Variants in PTBP3 observed in about 807,000 individuals in gnomAD.
The protein encoded by PTBP3 is polypyrimidine tract-binding protein 3.
In PTBP3, 20 loss-of-function variants were observed where a neutral mutation model predicts 58.7. That is an observed-to-expected ratio of 0.34 (90% CI 0.24 to 0.50). PTBP3 has a LOEUF of 0.50. PTBP3 is among the 20% of genes least tolerant of loss of function. The pLI is 0.98. For missense variants in PTBP3, 509 were observed against 637.2 expected, an observed-to-expected ratio of 0.80 and a Z score of 2.17; for synonymous variants, 185 against 219.8, an observed-to-expected ratio of 0.84 and a Z score of 1.40.
In PTBP3 at chr9:112,244,289, C is replaced by CAAAAAAAAAAAA. The variant is rs56052359; in HGVS notation, c.802+6628_802+6639dup. On this transcript the variant is annotated intron_variant, in intron 7 of 13. Transcript: ENST00000374257. ...TGGGCAACAGAGTGAGACTCTGTCT[C>CAAAAAAAAAAAA]AAAAAAAAAAAAAAAAAAGTTCTCA... 2.7e-3 allele frequency among the ~76,000 whole-genome samples: 97 copies of CAAAAAAAAAAAA among 36,294 alleles called. 21 individuals carry two copies. The highest frequency in any genetic ancestry group is 5.6e-3 in the South Asian group (3 of 540). 23.8% of individuals were successfully genotyped at this position (36,294 alleles called of 152,430 possible). A position where few individuals can be genotyped will look rare whatever the true frequency, so the allele number is the denominator to read the frequency against.
chr9:112,312,045 CTG>C (rs1829503475), intron 1 of PTBP3, among the ~76,000 whole-genome samples: 1 of 152,152 alleles, frequency 6.6e-6, no homozygotes, highest in Non-Finnish European at 1.5e-5. Flanking sequence ...ATTTTGTTAA[CTG>C]TATCACAGTA....
chr9:112,300,528 G>A (rs184686897), intron 1 of PTBP3, among the ~76,000 whole-genome samples: 15 of 152,282 alleles, frequency 9.9e-5, no homozygotes, highest in South Asian at 4.1e-4. Flanking sequence ...CTTGGCGGGC[G>A]GATCACAAGG....
intron 8 of PTBP3, among the ~76,000 whole-genome samples, chr9:112,233,260 G>T (rs1835311945): frequency 6.7e-6 from 1 of 148,590 alleles, no homozygotes. Context: ...GCACAGTTGA[G>T]CTACACTGTA....
intron 7 of PTBP3, among the ~76,000 whole-genome samples, chr9:112,244,628 T>C (rs2132044143): frequency 6.6e-6 from 1 of 152,036 alleles, no homozygotes; most frequent in African/African-American, 2.4e-5. Context: ...CAGTGAACCA[T>C]GAGTGCACCA....
Position 112,222,725 on chromosome 9 carries a change from C to T in PTBP3, c.*1126G>A. On this transcript the variant is annotated 3_prime_UTR_variant, in exon 14 of 14. Coordinates refer to ENST00000374257, the MANE Select transcript of PTBP3 (RefSeq NM_001163788.4). Reference sequence around the variant, plus strand: ...AGAGAAAGAAAAAACAAAATGCTTACCAAGCCCACAATATAGCTTTCAAGA... The same window carrying T: ...AGAGAAAGAAAAAACAAAATGCTTATCAAGCCCACAATATAGCTTTCAAGA... The T allele has an allele frequency of 1.0e-6, 1 of 977,156 alleles. No individual in the cohort carries two copies. The highest frequency in any genetic ancestry group is 1.2e-6 in the Non-Finnish European group (1 of 822,086). 60.5% of individuals were successfully genotyped at this position (977,156 alleles called of 1,614,324 possible).
At chr9:112,306,321 T>A (rs1157619981) in intron 1 of PTBP3, among the ~76,000 whole-genome samples, 1 of 151,866 alleles carries the variant, frequency 6.6e-6, no homozygotes, top group African/African-American at 2.4e-5. Flanking sequence ...CACACCACCA[T>A]GCCCAGCTAA....
the PTBP3 span, among the ~76,000 whole-genome samples, chr9:112,374,670 T>G: frequency 6.6e-6 from 1 of 152,240 alleles, no homozygotes; most frequent in East Asian, 1.9e-4. Context: ...ACTGCCACAC[T>G]TCTTTAGCCA....
At chr9:112,310,079 T>C (rs932187019) in intron 1 of PTBP3, among the ~76,000 whole-genome samples, 5 of 152,222 alleles carry the variant, frequency 3.3e-5, no homozygotes, top group Admixed American at 3.3e-4. Context: ...AGTGTGATTA[T>C]CCCTAAATAT....
At chr9:112,290,554 C>T (rs1828348123) in intron 2 of PTBP3, among the ~76,000 whole-genome samples, 1 of 151,610 alleles carries the variant, frequency 6.6e-6, no homozygotes, top group Admixed American at 6.6e-5. Context: ...TGCCTGTAAT[C>T]CCAGCTACTC....
intron 1 of PTBP3, among the ~76,000 whole-genome samples, chr9:112,319,558 C>G (rs574416257): frequency 5.3e-5 from 8 of 152,112 alleles, no homozygotes; most frequent in African/African-American, 1.9e-4. Flanking sequence ...AAAAAGAAAC[C>G]CTTGTACACA....
intron 1 of PTBP3, among the ~76,000 whole-genome samples, chr9:112,306,065 T>C (rs1050117586): frequency 6.6e-6 from 1 of 152,238 alleles, no homozygotes; most frequent in Admixed American, 6.5e-5. Context: ...GTGTCAGATG[T>C]AAGGGCAGTC....
intron 1 of PTBP3, among the ~76,000 whole-genome samples, chr9:112,306,584 T>C (rs1421658287): frequency 2.8e-5 from 3 of 106,688 alleles, no homozygotes; most frequent in African/African-American, 1.0e-4. Context: ...TAATTTAAAT[T>C]TGTATATATA....
chr9:112,335,349 A>C (rs915040239), upstream of PTBP3, among the ~76,000 whole-genome samples: 1 of 151,592 alleles, frequency 6.6e-6, no homozygotes, highest in Non-Finnish European at 1.5e-5. Flanking sequence ...GCAGTGGCAC[A>C]ATCTGAGCTC....
intron 5 of PTBP3, among the ~76,000 whole-genome samples, chr9:112,261,933 T>C (rs1038875014): frequency 6.6e-6 from 1 of 152,212 alleles, no homozygotes; most frequent in Admixed American, 6.5e-5. Flanking sequence ...CTTGCCATGA[T>C]TTCTTTTATC....
At chr9:112,246,755 T>A (rs1835895155) in intron 7 of PTBP3, among the ~76,000 whole-genome samples, 1 of 150,860 alleles carries the variant, frequency 6.6e-6, no homozygotes, top group South Asian at 2.1e-4. Flanking sequence ...GTATTTATCA[T>A]CTCAATCAGT....
intron 2 of PTBP3, among the ~76,000 whole-genome samples, chr9:112,286,615 T>C (rs1016635512): frequency 6.6e-6 from 1 of 152,220 alleles, no homozygotes; most frequent in Admixed American, 6.5e-5. Flanking sequence ...TTGTATATTT[T>C]GCTTTTCTCA....
At chr9:112,230,097 A>T (rs540375300) in intron 10 of PTBP3, among the ~76,000 whole-genome samples, 3 of 152,334 alleles carry the variant, frequency 2.0e-5, no homozygotes, top group South Asian at 4.1e-4. Flanking sequence ...AATTTACAAA[A>T]ATCTTGAGTT....
intron 4 of PTBP3, among the ~76,000 whole-genome samples, chr9:112,263,095 G>A (rs904238533): frequency 2.0e-5 from 3 of 152,138 alleles, no homozygotes; most frequent in Non-Finnish European, 2.9e-5. Flanking sequence ...GGGGGAGGGA[G>A]CGTTGATCAG....
At chr9:112,320,297 T>A (rs1167964090) in intron 1 of PTBP3, among the ~76,000 whole-genome samples, 17 of 47,828 alleles carry the variant, frequency 3.6e-4, no homozygotes, top group South Asian at 3.2e-3. Context: ...AAAAAATATA[T>A]ATATATATAT....
Sources: gnomAD v4.1 joint callset for allele counts (sites outside exome capture counted in the v4.1 genomes callset) on GRCh38, gnomAD v4.1.1 for gene constraint, MANE v1.5 for transcripts, NCBI Gene and HGNC (gene_info 2026-07-23, HGNC 2026-07-21) for gene names.